MAP3K9: variants seen among roughly 807,000 people sequenced by gnomAD.
MAP3K9 encodes the protein mixed lineage kinase 1 (tyr and ser/thr specificity).
MAP3K9 carries 46 observed loss-of-function variants against 95.8 expected under a neutral mutation model. That is an observed-to-expected ratio of 0.48 (90% CI 0.38 to 0.61). The LOEUF (loss-of-function observed/expected upper bound fraction) is 0.61, where lower values mean the gene tolerates loss of function less well. Ranked by LOEUF, MAP3K9 falls within the 20% of genes least tolerant of loss-of-function variation. The probability of loss-of-function intolerance (pLI) is 0.00; values close to 1 mark genes in which losing one functional copy is unlikely to be tolerated. For missense variants in MAP3K9, 1,296 were observed against 1,474.3 expected, an observed-to-expected ratio of 0.88 and a Z score of 1.98; for synonymous variants, 533 against 593.8, an observed-to-expected ratio of 0.90 and a Z score of 1.49.
intron 3 of MAP3K9, among the ~76,000 whole-genome samples, chr14:70,755,850 C>T (rs951668294): frequency 6.6e-6 from 1 of 152,210 alleles, no homozygotes; most frequent in African/African-American, 2.4e-5. Context: ...AGGCTTAAGT[C>T]CTGGGAACAA....
At chr14:70,796,027 T>A (rs1450795492) in intron 2 of MAP3K9, among the ~76,000 whole-genome samples, 3 of 152,166 alleles carry the variant, frequency 2.0e-5, no homozygotes, top group African/African-American at 7.2e-5. Context: ...AGTGCTGGGA[T>A]TACAGGCGTG....
intron 2 of MAP3K9, among the ~76,000 whole-genome samples, chr14:70,777,904 C>T (rs935435492): frequency 2.6e-5 from 4 of 152,174 alleles, no homozygotes; most frequent in South Asian, 2.1e-4. Flanking sequence ...CCAGCCAACA[C>T]GCATGCCTGA....
At chr14:70,803,356 A>AAAAC (rs1566771127) in intron 1 of MAP3K9, among the ~76,000 whole-genome samples, 6 of 150,580 alleles carry the variant, frequency 4.0e-5, no homozygotes, top group Non-Finnish European at 7.4e-5. Context: ...AAAAAAAAAA[A>AAAAC]AAAAAACTGA....
chr14:70,802,073 C>T (rs960360356), intron 1 of MAP3K9, among the ~76,000 whole-genome samples: 1 of 152,106 alleles, frequency 6.6e-6, no homozygotes, highest in African/African-American at 2.4e-5. Flanking sequence ...TGTTGTTAGA[C>T]CTGTAATTTA....
At chr14:70,799,603 T>C (rs931969106) in intron 2 of MAP3K9, among the ~76,000 whole-genome samples, 90 of 152,326 alleles carry the variant, frequency 5.9e-4, no homozygotes, top group African/African-American at 2.1e-3. Context: ...CCTCCCAAAG[T>C]GCTGGGATTA....
At chr14:70,760,685 G>A (rs1306440119) in intron 3 of MAP3K9, among the ~76,000 whole-genome samples, 1 of 152,130 alleles carries the variant, frequency 6.6e-6, no homozygotes, top group Non-Finnish European at 1.5e-5. Context: ...CTCCGAGAAG[G>A]ACCGAGTGTC....
At chr14:70,741,126 T>C (rs906990284) in intron 6 of MAP3K9, among the ~76,000 whole-genome samples, 3 of 152,188 alleles carry the variant, frequency 2.0e-5, no homozygotes, top group Non-Finnish European at 4.4e-5. Flanking sequence ...GTTTCACTCT[T>C]GTTGCCTAGG....
rs928617996 is a variant in MAP3K9 at position 70,809,257 on chromosome 14, G to A, written c.-86C>T. On this transcript the variant is annotated 5_prime_UTR_variant, in exon 1 of 12. Coordinates refer to ENST00000554752, the MANE Select transcript of MAP3K9 (RefSeq NM_001284230.2). ...TGTTCATGCGCCTCCGCAGAGCTGG[G>A]AGGACCCCCCCCCAACGACGGCGGC... 2.2e-5 allele frequency: 28 copies of A among 1,256,372 alleles called. No homozygotes were observed. Among genetic ancestry groups the A allele is most frequent in the African/African-American group, 3.1e-5 (2 of 64,116 alleles). 77.8% of individuals were successfully genotyped at this position (1,256,372 alleles called of 1,614,324 possible).
Position 70,809,141 on chromosome 14 carries a change from G to C in MAP3K9, c.31C>G (p.Leu11Val). Residue 11 changes from leucine to valine, a missense_variant, in exon 1 of 12, where the codon CTA (leucine) becomes GTA (valine). Around this residue, in one of 5 missense-constraint regions of MAP3K9, gnomAD observed 338 missense variants for 363.4 expected, o/e 0.93. Transcript: ENST00000554752. ...GGGGCGGCAGCGGCGGCGCTCGCTA[G>C]GCAGCCGAGAAGCGCTCTGGAGGGC... MEPSRALLGC[L>V]ASAAAAAPPG... 7.2e-7 allele frequency: 1 copy of C among 1,380,992 alleles called. No individual in the cohort carries two copies. Among genetic ancestry groups the C allele is most frequent in the Non-Finnish European group, 9.3e-7 (1 of 1,076,326 alleles). The allele number at this position is 1,380,992 out of a possible 1,614,324, so 85.5% of individuals were successfully genotyped here. A position where few individuals can be genotyped will look rare whatever the true frequency, so the allele number is the denominator to read the frequency against.
chr14:70,769,662 T>C (rs182262283), intron 2 of MAP3K9, among the ~76,000 whole-genome samples: 1 of 152,324 alleles, frequency 6.6e-6, no homozygotes, highest in East Asian at 1.9e-4. Context: ...CAGTTGCCAG[T>C]AGTTTTTAGT....
At position 70,730,568 on chromosome 14, in the gene MAP3K9, C is replaced by T; in HGVS notation, c.3127G>A (p.Val1043Ile). 1 of 1,614,036 alleles carries T rather than the reference C, an allele frequency of 6.2e-7. No individual in the cohort carries two copies. The highest frequency in any genetic ancestry group is 8.5e-7 in the Non-Finnish European group (1 of 1,180,042). ...GCTGGAAGTCCAGGCCGCTCCTCTACAGTGCTGCTACTGCTAGCAAAGCAG... is the reference window on the plus strand; with the variant it reads ...GCTGGAAGTCCAGGCCGCTCCTCTATAGTGCTGCTACTGCTAGCAAAGCAG... ...DSCFASSSST[V>I]EERPGLPALL... The change falls in exon 12 of 12, where the codon GTA becomes ATA. Residue 1043 changes from valine (V) to isoleucine (I), a missense_variant. Around this residue, in one of 5 missense-constraint regions of MAP3K9, gnomAD observed 433 missense variants for 441.4 expected, o/e 0.98. Coordinates refer to ENST00000554752, the MANE Select transcript of MAP3K9 (RefSeq NM_001284230.2).
chr14:70,808,476 A>G (rs2055018729), intron 1 of MAP3K9, among the ~76,000 whole-genome samples: 1 of 152,106 alleles, frequency 6.6e-6, no homozygotes, highest in Non-Finnish European at 1.5e-5. Flanking sequence ...GGAAACTGGC[A>G]AATTCTCAGA....
At chr14:70,784,166 C>G (rs2054717689) in intron 2 of MAP3K9, among the ~76,000 whole-genome samples, 1 of 152,018 alleles carries the variant, frequency 6.6e-6, no homozygotes, top group South Asian at 2.1e-4. Context: ...GCCTGTAATC[C>G]CAGCTACTTG....
chr14:70,784,614 G>T (rs1238351345), intron 2 of MAP3K9, among the ~76,000 whole-genome samples: 1 of 151,974 alleles, frequency 6.6e-6, no homozygotes, highest in Non-Finnish European at 1.5e-5. Flanking sequence ...GTGGTGGCAG[G>T]CGTCAGTAAT....
intron 2 of MAP3K9, among the ~76,000 whole-genome samples, chr14:70,787,861 G>A (rs973752564): frequency 6.6e-6 from 1 of 152,134 alleles, no homozygotes; most frequent in Admixed American, 6.5e-5. Flanking sequence ...CATTGGAATT[G>A]CCACCAAACA....
At position 70,734,491 on chromosome 14, in the gene MAP3K9, A is replaced by G; in HGVS notation, c.1921T>C (p.Ser641Pro). 2 of 1,594,646 alleles carry G rather than the reference A, an allele frequency of 1.3e-6. No individual in the cohort carries two copies. Among genetic ancestry groups the G allele is most frequent in the African/African-American group, 2.7e-5 (2 of 74,450 alleles). Reference protein sequence around the residue: ...ESPHFHLGLKSLVDGYKQWSS... With the variant: ...ESPHFHLGLKPLVDGYKQWSS... ...CACTGCTTATATCCATCTACCAGGG[A>G]CTTGAGGCTGAATCAGAGGAAAAGA... is the stretch of plus-strand genomic sequence containing the variant. The change falls in exon 10 of 12, where the codon TCC becomes CCC. Residue 641 changes from serine (S) to proline (P), a missense_variant. This residue lies in a region of MAP3K9 where 377 missense variants were observed against 417.1 expected (regional missense o/e 0.90). Coordinates refer to ENST00000554752, the MANE Select transcript of MAP3K9 (RefSeq NM_001284230.2).
At chr14:70,769,406 T>C (rs2054501288) in intron 2 of MAP3K9, among the ~76,000 whole-genome samples, 1 of 152,338 alleles carries the variant, frequency 6.6e-6, no homozygotes, top group African/African-American at 2.4e-5. Context: ...TTACCAGCTA[T>C]GTACACATCT....
chr14:70,794,798 C>T (rs943433990), intron 2 of MAP3K9, among the ~76,000 whole-genome samples: 1 of 151,316 alleles, frequency 6.6e-6, no homozygotes, highest in African/African-American at 2.4e-5. Flanking sequence ...CTGCTTCAGC[C>T]TCCCAAGTAG....
intron 2 of MAP3K9, among the ~76,000 whole-genome samples, chr14:70,786,474 G>A (rs1306222303): frequency 1.3e-5 from 2 of 152,012 alleles, no homozygotes; most frequent in Admixed American, 6.6e-5. Flanking sequence ...ACTGAACACT[G>A]TTATCCTTCT....
Sources: allele counts gnomAD v4.1 joint callset (sites outside exome capture counted in the v4.1 genomes callset), GRCh38; gene constraint gnomAD v4.1.1; regional missense constraint gnomAD v4.1.1; transcripts MANE v1.5; gene names NCBI Gene and HGNC (gene_info 2026-07-23, HGNC 2026-07-21).